XRCC4: variants seen among roughly 807,000 people sequenced by gnomAD.
The protein encoded by XRCC4 is DNA repair protein XRCC4.
Under a neutral mutation model 39.1 loss-of-function variants are expected in XRCC4, and 28 were observed. That is an observed-to-expected ratio of 0.72 (90% CI 0.53 to 0.98). XRCC4 has a LOEUF of 0.98. Among genes scored for constraint, XRCC4 ranks in the 50% least tolerant of loss-of-function variants. The pLI is 0.00. For synonymous variants in XRCC4, 123 were observed against 126.4 expected, an observed-to-expected ratio of 0.97 and a Z score of 0.18; for missense variants, 350 against 376.4, an observed-to-expected ratio of 0.93 and a Z score of 0.58.
intron 3 of XRCC4, among the ~76,000 whole-genome samples, chr5:83,116,814 G>C (rs528499233): frequency 6.6e-6 from 1 of 151,950 alleles, no homozygotes; most frequent in African/African-American, 2.4e-5. Context: ...TAGAGACGGG[G>C]TTGTGCCATA....
chr5:83,109,092 T>C (rs541371831), intron 2 of XRCC4, among the ~76,000 whole-genome samples: 1 of 152,012 alleles, frequency 6.6e-6, no homozygotes, highest in East Asian at 1.9e-4. Context: ...AAAATATTGG[T>C]ACCTTGCAAG....
intron 1 of XRCC4, among the ~76,000 whole-genome samples, chr5:83,103,567 T>C (rs1342609398): frequency 2.0e-5 from 3 of 152,164 alleles, no homozygotes; most frequent in Non-Finnish European, 4.4e-5. Flanking sequence ...TACTCTTAGG[T>C]ATATACTCAA....
intron 3 of XRCC4, among the ~76,000 whole-genome samples, chr5:83,179,420 G>A (rs183885055): frequency 6.6e-6 from 1 of 152,290 alleles, no homozygotes; most frequent in Admixed American, 6.5e-5. Flanking sequence ...TAGGGGCGGG[G>A]TTTGCCAGGG....
chr5:83,281,560 C>G (rs1402616139), intron 7 of XRCC4, among the ~76,000 whole-genome samples: 1 of 151,474 alleles, frequency 6.6e-6, no homozygotes, highest in African/African-American at 2.4e-5. Flanking sequence ...CCTTTTATGG[C>G]TTTGGAAACT....
intron 6 of XRCC4, among the ~76,000 whole-genome samples, chr5:83,258,100 A>T (rs1006939442): frequency 1.3e-5 from 2 of 152,102 alleles, no homozygotes; most frequent in Admixed American, 1.3e-4. Flanking sequence ...TGACAAGTTG[A>T]TGGGTGCAGC....
chr5:83,115,541 T>C lies in XRCC4; in HGVS notation c.315+4338T>C, dbSNP rs150629978. Among the ~76,000 whole-genome samples, 1,017 of 152,332 alleles carry C rather than the reference T, an allele frequency of 6.7e-3. 10 individuals are homozygous for C. Among genetic ancestry groups the C allele is most frequent in the Admixed American group, 8.2e-3 (126 of 15,310 alleles). On this transcript the variant is annotated intron_variant, in intron 3 of 7. Transcript: ENST00000396027. ...CCATGACTGGCAGTACATCAGGTTT[T>C]ACCCTTTCTATGAAGAAAGAGCTTT...
intron 7 of XRCC4, among the ~76,000 whole-genome samples, chr5:83,349,616 A>T (rs1046678376): frequency 2.6e-5 from 4 of 152,214 alleles, no homozygotes; most frequent in Non-Finnish European, 5.9e-5. Context: ...GAATCTATTT[A>T]TCCTTCAGTC....
At chr5:83,133,177 A>G (rs748416994) in intron 3 of XRCC4, among the ~76,000 whole-genome samples, 2 of 151,746 alleles carry the variant, frequency 1.3e-5, no homozygotes, top group African/African-American at 2.4e-5. Flanking sequence ...TTGCCTGGGT[A>G]TGACCATCGG....
chr5:83,371,131 T>A, the XRCC4 span, among the ~76,000 whole-genome samples: 2 of 151,836 alleles, frequency 1.3e-5, no homozygotes, highest in Admixed American at 1.3e-4. Flanking sequence ...CATCCACTCT[T>A]CTCTTTGTCT....
chr5:83,085,868 A>G (rs1745158730), intron 1 of XRCC4, among the ~76,000 whole-genome samples: 1 of 152,224 alleles, frequency 6.6e-6, no homozygotes, highest in East Asian at 1.9e-4. Flanking sequence ...ATTATAGATC[A>G]CCACTGTTAA....
intron 3 of XRCC4, among the ~76,000 whole-genome samples, chr5:83,189,526 A>T (rs1413333814): frequency 6.6e-6 from 1 of 152,234 alleles, no homozygotes; most frequent in African/African-American, 2.4e-5. Context: ...TTATATGATC[A>T]GCTTGAGATA....
intron 7 of XRCC4, among the ~76,000 whole-genome samples, chr5:83,262,153 A>G (rs1245377441): frequency 6.6e-6 from 1 of 152,122 alleles, no homozygotes; most frequent in Non-Finnish European, 1.5e-5. Context: ...ACCCTACAAG[A>G]TAGGTATTAA....
At chr5:83,138,802 G>A (rs569592397) in intron 3 of XRCC4, among the ~76,000 whole-genome samples, 1 of 152,150 alleles carries the variant, frequency 6.6e-6, no homozygotes, top group Admixed American at 6.6e-5. Context: ...CAGTAGTGGG[G>A]AATTGCTCGT....
At chr5:83,299,231 G>C (rs537789417) in intron 7 of XRCC4, among the ~76,000 whole-genome samples, 8 of 152,160 alleles carry the variant, frequency 5.3e-5, no homozygotes, top group African/African-American at 1.9e-4. Flanking sequence ...AGCATTCAAA[G>C]ATTTAATTTC....
intron 7 of XRCC4, among the ~76,000 whole-genome samples, chr5:83,321,711 T>G (rs2112133765): frequency 6.6e-6 from 1 of 152,046 alleles, no homozygotes; most frequent in Non-Finnish European, 1.5e-5. Context: ...AGTCATGGGG[T>G]TTTTAACTCC....
chr5:83,145,223 GT>G (rs1343145365), intron 3 of XRCC4, among the ~76,000 whole-genome samples: 1 of 152,168 alleles, frequency 6.6e-6, no homozygotes, highest in Non-Finnish European at 1.5e-5. Flanking sequence ...CTTAATTACA[GT>G]GATAATAGCT....
At chr5:83,110,142 A>C (rs1454254446) in intron 2 of XRCC4, among the ~76,000 whole-genome samples, 1 of 152,038 alleles carries the variant, frequency 6.6e-6, no homozygotes, top group Non-Finnish European at 1.5e-5. Flanking sequence ...TTCTTCCCAG[A>C]GCACTTGCCA....
intron 6 of XRCC4, among the ~76,000 whole-genome samples, chr5:83,212,680 C>T (rs185566616): frequency 5.3e-5 from 8 of 151,666 alleles, no homozygotes; most frequent in Non-Finnish European, 1.2e-4. Context: ...GTAATCCTAG[C>T]GCTTTGGGAG....
intron 7 of XRCC4, among the ~76,000 whole-genome samples, chr5:83,315,765 A>G (rs1755857382): frequency 6.6e-6 from 1 of 152,126 alleles, no homozygotes; most frequent in Admixed American, 6.6e-5. Flanking sequence ...TCCTTTCAAA[A>G]TATTACTGCT....
Sources: allele counts gnomAD v4.1 joint callset (sites outside exome capture counted in the v4.1 genomes callset), GRCh38; gene constraint gnomAD v4.1.1; transcripts MANE v1.5; gene names NCBI Gene and HGNC (gene_info 2026-07-23, HGNC 2026-07-21).